Variants in PCDH15 observed in about 807,000 individuals in gnomAD.
PCDH15 encodes protocadherin related 15, also known as protocadherin-15.
PCDH15 carries 129 observed loss-of-function variants against 178.5 expected under a neutral mutation model. That is an observed-to-expected ratio of 0.72 (90% CI 0.63 to 0.84). The LOEUF (loss-of-function observed/expected upper bound fraction) is 0.84, where lower values mean the gene tolerates loss of function less well. Among genes scored for constraint, PCDH15 ranks in the 40% least tolerant of loss-of-function variants. The pLI is 0.00. For synonymous variants in PCDH15, 800 were observed against 732.0 expected (o/e 1.09, Z -1.50); for missense variants, 2,230 against 2,099.9 (o/e 1.06, Z -1.21).
intron 29 of PCDH15, among the ~76,000 whole-genome samples, chr10:53,833,684 C>G (rs2077141984): frequency 6.6e-6 from 1 of 151,968 alleles, no homozygotes; most frequent in Non-Finnish European, 1.5e-5. Context: ...ATATAATAAA[C>G]TCTTGAATTC....
In PCDH15 at chr10:53,807,045, T is replaced by A; in HGVS notation, c.4757A>T (p.Gln1586Leu). 1 of 1,613,634 alleles carries A rather than the reference T, an allele frequency of 6.2e-7. No homozygotes were observed. Among genetic ancestry groups the A allele is most frequent in the Non-Finnish European group, 8.5e-7 (1 of 1,179,764 alleles). The change falls in exon 38 of 38, where the codon CAG (glutamine) becomes CTG (leucine). Residue 1586 changes from glutamine to leucine, a missense_variant. By Grantham distance (113) the Gln-to-Leu change is moderately radical. Transcript: ENST00000644397. ...ACTAGGATGGTGAAGACGGTTTCTC[T>A]GACATTCAGGAGCACTGTCTTCTCC... is the stretch of plus-strand genomic sequence containing the variant. ...STGEDSAPECQRNRLHHPSIH... is the reference protein window; with the variant it reads ...STGEDSAPECLRNRLHHPSIH...
intron 2 of PCDH15, among the ~76,000 whole-genome samples, chr10:54,539,965 C>A (rs35569092): frequency 2.0e-5 from 3 of 151,840 alleles, no homozygotes; most frequent in African/African-American, 7.3e-5. Context: ...AAGAAAGACA[C>A]GCAAAATACC....
chr10:55,608,943 G>C (rs909776209), intron 2 of PCDH15, among the ~76,000 whole-genome samples: 2 of 151,540 alleles, frequency 1.3e-5, no homozygotes, highest in Non-Finnish European at 2.9e-5. Flanking sequence ...CAAGCTTTAA[G>C]GCCAGAAGGG....
chr10:53,817,401 T>A (rs538653853), intron 34 of PCDH15, among the ~76,000 whole-genome samples: 154 of 152,120 alleles, frequency 1.0e-3, no homozygotes, highest in African/African-American at 3.6e-3. Context: ...TGATTATTTT[T>A]AAAATCTTTA....
intron 2 of PCDH15, among the ~76,000 whole-genome samples, chr10:55,436,292 A>G (rs769314054): frequency 2.6e-5 from 4 of 152,144 alleles, no homozygotes; most frequent in Non-Finnish European, 5.9e-5. Flanking sequence ...AAAGATAAAT[A>G]CAAGAATAAA....
intron 2 of PCDH15, among the ~76,000 whole-genome samples, chr10:55,013,872 T>G (rs1323220949): frequency 6.6e-6 from 1 of 152,102 alleles, no homozygotes; most frequent in Non-Finnish European, 1.5e-5. Context: ...ATATAAAATT[T>G]CAACCCTAGA....
At chr10:55,276,572 G>C (rs1278750053) in intron 1 of PCDH15, among the ~76,000 whole-genome samples, 1 of 151,272 alleles carries the variant, frequency 6.6e-6, no homozygotes, top group African/African-American at 2.4e-5. Flanking sequence ...AAACCAACAA[G>C]TATACCTTTT....
intron 3 of PCDH15, among the ~76,000 whole-genome samples, chr10:54,824,117 T>G (rs1211967407): frequency 1.3e-5 from 2 of 152,064 alleles, no homozygotes; most frequent in Non-Finnish European, 2.9e-5. Context: ...TCCACAGGAG[T>G]GCTCTCATAA....
chr10:55,157,340 CT>C (rs1838917304), intron 2 of PCDH15, among the ~76,000 whole-genome samples: 1 of 149,440 alleles, frequency 6.7e-6, no homozygotes, highest in Non-Finnish European at 1.5e-5. Flanking sequence ...AATAGGAACA[CT>C]TTTACACTGT....
intron 2 of PCDH15, among the ~76,000 whole-genome samples, chr10:55,447,381 A>G (rs1839339927): frequency 6.6e-6 from 1 of 152,120 alleles, no homozygotes; most frequent in Non-Finnish European, 1.5e-5. Context: ...AAGGCATGAT[A>G]GAAATGTAAT....
chr10:53,964,735 C>T (rs1364370924), intron 21 of PCDH15, among the ~76,000 whole-genome samples: 1 of 151,994 alleles, frequency 6.6e-6, no homozygotes, highest in Admixed American at 6.6e-5. Context: ...TCAGTTCACC[C>T]ACTGAAGATT....
chr10:54,722,579 C>CA (rs34375725), intron 1 of PCDH15, among the ~76,000 whole-genome samples: 2,702 of 131,642 alleles, frequency 0.021, 26 homozygotes, highest in African/African-American at 0.036. Context: ...CAATTGGGAC[C>CA]AAAAAAAAAA....
At chr10:54,634,622 A>G (rs2093797420) in intron 2 of PCDH15, among the ~76,000 whole-genome samples, 1 of 152,056 alleles carries the variant, frequency 6.6e-6, no homozygotes, top group Non-Finnish European at 1.5e-5. Flanking sequence ...AAGCAAAATC[A>G]ACAAAAGGAA....
intron 2 of PCDH15, among the ~76,000 whole-genome samples, chr10:54,639,076 G>A (rs538740800): frequency 5.3e-5 from 8 of 152,098 alleles, no homozygotes; most frequent in South Asian, 4.1e-4. Context: ...CCTGTATCCC[G>A]TAAAAAGGAC....
chr10:54,400,269 A>G (rs1449457603), intron 3 of PCDH15, among the ~76,000 whole-genome samples: 2 of 152,174 alleles, frequency 1.3e-5, no homozygotes, highest in African/African-American at 4.8e-5. Context: ...CCAATTGAAC[A>G]TAAAATGGAC....
chr10:55,587,347 T>C (rs115163446), intron 2 of PCDH15, among the ~76,000 whole-genome samples: 3,213 of 152,194 alleles, frequency 0.021, 117 homozygotes, highest in African/African-American at 0.073. Flanking sequence ...AATATTCATA[T>C]ATAAGGCTTT....
At chr10:55,291,240 G>A (rs894051702) in intron 1 of PCDH15, among the ~76,000 whole-genome samples, 11 of 152,090 alleles carry the variant, frequency 7.2e-5, no homozygotes, top group South Asian at 2.1e-4. Flanking sequence ...TGAGAAAAGC[G>A]TTAAGCAACA....
At chr10:54,019,115 C>T (rs955543990) in intron 20 of PCDH15, among the ~76,000 whole-genome samples, 2 of 151,932 alleles carry the variant, frequency 1.3e-5, no homozygotes, top group African/African-American at 2.4e-5. Context: ...TTCTGACCAG[C>T]CCTTTTTCAT....
intron 2 of PCDH15, among the ~76,000 whole-genome samples, chr10:55,399,514 C>T (rs1308139226): frequency 1.3e-5 from 2 of 152,138 alleles, no homozygotes; most frequent in African/African-American, 4.8e-5. Flanking sequence ...CGACTAGGCA[C>T]TAAGCACTCT....
Sources: allele counts gnomAD v4.1 joint callset (sites outside exome capture counted in the v4.1 genomes callset), GRCh38; gene constraint gnomAD v4.1.1; transcripts MANE v1.5; gene names NCBI Gene and HGNC (gene_info 2026-07-23, HGNC 2026-07-21).